Variants in WDPCP observed in about 807,000 individuals in gnomAD.
The protein encoded by WDPCP is WD repeat containing planar cell polarity effector, also known as WD repeat-containing and planar cell polarity effector protein fritz homolog.
A neutral mutation model predicts 93.1 loss-of-function variants in WDPCP; 71 were observed. That is an observed-to-expected ratio of 0.76 (90% CI 0.63 to 0.93). The LOEUF is 0.93. Among genes scored for constraint, WDPCP ranks in the 40% least tolerant of loss-of-function variants. The pLI is 0.00. For missense variants in WDPCP, 844 were observed against 887.4 expected, an observed-to-expected ratio of 0.95 and a Z score of 0.62; for synonymous variants, 315 against 315.0, an observed-to-expected ratio of 1.00 and a Z score of 0.00.
At chr2:63,834,522 G>A in the WDPCP span, among the ~76,000 whole-genome samples, 1 of 152,182 alleles carries the variant, frequency 6.6e-6, no homozygotes, top group Non-Finnish European at 1.5e-5. Flanking sequence ...ACTTAACGCT[G>A]TGAAGCATAT....
chr2:63,479,707 A>T (rs1264265867), intron 6 of WDPCP, among the ~76,000 whole-genome samples: 3 of 152,154 alleles, frequency 2.0e-5, no homozygotes, highest in African/African-American at 7.2e-5. Context: ...CCAACATAAT[A>T]CTGAATGGGG....
rs1709514373 is a variant in WDPCP at position 63,605,697 on chromosome 2, C to T, written n.488+44962G>A. 3 of 592,146 alleles carry T rather than the reference C, an allele frequency of 5.1e-6. No homozygotes were observed. The South Asian group carries it at 6.2e-5, about 12-fold the overall frequency. 36.7% of individuals were successfully genotyped at this position (592,146 alleles called of 1,614,324 possible). A position where few individuals can be genotyped will look rare whatever the true frequency, so the allele number is the denominator to read the frequency against. On this transcript the variant is annotated intron_variant and non_coding_transcript_variant, in intron 3 of 4. Transcript: ENST00000467687. ...ATTTTTTTCTTCTATGCCACAGCTT[C>T]CTCATCTGTAAAATGAGGATTAGGT...
chr2:63,497,290 T>G (rs1701289496), intron 1 of WDPCP, among the ~76,000 whole-genome samples: 1 of 151,880 alleles, frequency 6.6e-6, no homozygotes, highest in Non-Finnish European at 1.5e-5. Context: ...CAGCAATAAT[T>G]AGCAAGTATT....
chr2:63,198,312 G>C (rs961452773), intron 14 of WDPCP, among the ~76,000 whole-genome samples: 1 of 152,090 alleles, frequency 6.6e-6, no homozygotes, highest in African/African-American at 2.4e-5. Context: ...TAATTAAAGA[G>C]TTTTTACAGT....
chr2:63,529,260 G>C (rs1703618101), intron 1 of WDPCP, among the ~76,000 whole-genome samples: 2 of 152,132 alleles, frequency 1.3e-5, no homozygotes, highest in Non-Finnish European at 2.9e-5. Context: ...TGTTGAATAG[G>C]AGTGGTGAGA....
chr2:63,207,815 T>G (rs1038666069), intron 14 of WDPCP, among the ~76,000 whole-genome samples: 1 of 152,212 alleles, frequency 6.6e-6, no homozygotes, highest in South Asian at 2.1e-4. Context: ...AGGATTCTGC[T>G]GTATTGCGTT....
intron 12 of WDPCP, chr2:63,378,094 C>T (rs190280190): frequency 1.4e-5 from 5 of 349,138 alleles, no homozygotes; most frequent in South Asian, 6.6e-5. Flanking sequence ...TTACTTAGTG[C>T]GAGTAGCACA....
At position 63,575,489 on chromosome 2, in the gene WDPCP, A is replaced by ACT. The variant is rs1257278044; in HGVS notation, c.75+12707_75+12708insAG. Among the ~76,000 whole-genome samples, 91 of 17,304 alleles carry ACT rather than the reference A, an allele frequency of 5.3e-3. 25 individuals carry two copies. The highest frequency in any genetic ancestry group is 0.012 in the African/African-American group (73 of 6,044). The allele number at this position is 17,304 out of a possible 152,430, so 11.4% of individuals were successfully genotyped here. ...TATGCAGTATATACAGTGTATATAT[A>ACT]GTATATACAGTATATACACTGTATA... On this transcript the variant is annotated intron_variant, in intron 1 of 17. Coordinates refer to ENST00000272321, the MANE Select transcript of WDPCP (RefSeq NM_015910.7).
chr2:63,677,846 A>C lies in WDPCP; in HGVS notation n.309-27008T>G, dbSNP rs572195800. ...AATCCAGATGAAACTTGGAAAAAGCAATGGATAGGGTAAATGCGTGGGTAA... is the reference window on the plus strand; with the variant it reads ...AATCCAGATGAAACTTGGAAAAAGCCATGGATAGGGTAAATGCGTGGGTAA... On this transcript the variant is annotated intron_variant and non_coding_transcript_variant, in intron 2 of 4. Coordinates refer to the WDPCP transcript ENST00000467687. Among the ~76,000 whole-genome samples the C allele has an allele frequency of 5.9e-5, 9 of 152,334 alleles. 1 individual carries two copies. The highest frequency in any genetic ancestry group is 3.3e-4 in the Admixed American group (5 of 15,298).
intron 14 of WDPCP, among the ~76,000 whole-genome samples, chr2:63,231,780 C>T (rs1678910653): frequency 6.6e-6 from 1 of 152,060 alleles, no homozygotes; most frequent in African/African-American, 2.4e-5. Flanking sequence ...GATTCAATGC[C>T]ATCCCCATCA....
chr2:63,594,279 A>G (rs1268239495), intron 3 of WDPCP: 2 of 666,312 alleles, frequency 3.0e-6, no homozygotes, highest in Non-Finnish European at 5.6e-6. Context: ...TAAATCCAGG[A>G]TAACACTTTT....
At chr2:63,535,853 T>G (rs1704235536) in intron 1 of WDPCP, among the ~76,000 whole-genome samples, 1 of 152,098 alleles carries the variant, frequency 6.6e-6, no homozygotes, top group African/African-American at 2.4e-5. Flanking sequence ...AAAGCCAAAA[T>G]TGACAAATGG....
chr2:63,792,129 CAT>C (rs1322463460), intron 2 of WDPCP, among the ~76,000 whole-genome samples: 10 of 152,112 alleles, frequency 6.6e-5, no homozygotes, highest in Non-Finnish European at 1.2e-4. Context: ...AGTGCAATGA[CAT>C]GTGTATTAGT....
At chr2:63,126,557 C>G (rs2153396797) in intron 17 of WDPCP, among the ~76,000 whole-genome samples, 1 of 152,076 alleles carries the variant, frequency 6.6e-6, no homozygotes, top group African/African-American at 2.4e-5. Flanking sequence ...CAAAGTAAAC[C>G]TATTTCACTT....
At chr2:63,191,746 A>G (rs528385859) in intron 14 of WDPCP, among the ~76,000 whole-genome samples, 1 of 152,174 alleles carries the variant, frequency 6.6e-6, no homozygotes, top group African/African-American at 2.4e-5. Context: ...GCAGCCCTAC[A>G]TCTGTTTTTT....
At chr2:63,202,045 CT>C (rs35313695) in intron 14 of WDPCP, among the ~76,000 whole-genome samples, 15,555 of 149,064 alleles carry the variant, frequency 0.1, 1,040 homozygotes, top group Middle Eastern at 0.2. Context: ...TTCCTTCTGC[CT>C]TTTTTTTTGA....
intron 17 of WDPCP, among the ~76,000 whole-genome samples, chr2:63,124,617 C>CCAAATAAA (rs1380096953): frequency 3.9e-5 from 6 of 152,100 alleles, no homozygotes; most frequent in Admixed American, 2.6e-4. Context: ...AGTAAGTGAT[C>CCAAATAAA]ATCTCAGTTT....
chr2:63,180,234 A>G (rs935728586), intron 14 of WDPCP, among the ~76,000 whole-genome samples: 1 of 152,136 alleles, frequency 6.6e-6, no homozygotes, highest in African/African-American at 2.4e-5. Flanking sequence ...GTACAAGTGC[A>G]GTTTTGTTAC....
At chr2:63,806,724 C>A (rs562458180) in intron 2 of WDPCP, among the ~76,000 whole-genome samples, 1 of 152,040 alleles carries the variant, frequency 6.6e-6, no homozygotes. Flanking sequence ...CAGGGATGTT[C>A]CATGCTGAGA....
Sources: allele counts gnomAD v4.1 joint callset (sites outside exome capture counted in the v4.1 genomes callset), GRCh38; gene constraint gnomAD v4.1.1; transcripts MANE v1.5; gene names NCBI Gene and HGNC (gene_info 2026-07-23, HGNC 2026-07-21).